CCND2: variants seen among roughly 807,000 people sequenced by gnomAD.
CCND2 encodes cyclin D2.
Under a neutral mutation model 30.2 loss-of-function variants are expected in CCND2, and 6 were observed. The ratio of observed to expected loss-of-function variants is 0.20; its 90% CI spans 0.11 to 0.39. The LOEUF (loss-of-function observed/expected upper bound fraction) is 0.39, where lower values mean the gene tolerates loss of function less well. Among genes scored for constraint, CCND2 ranks in the 10% least tolerant of loss-of-function variants. The probability of loss-of-function intolerance (pLI) is 1.00; values close to 1 mark genes in which losing one functional copy is unlikely to be tolerated. For synonymous variants in CCND2, 150 were observed against 153.1 expected (o/e 0.98, Z 0.15); for missense variants, 235 against 373.4 (o/e 0.63, Z 3.06).
At position 4,301,864 on chromosome 12, in the gene CCND2, A is replaced by G; in HGVS notation, c.*1855A>G. 1 of 231,830 alleles carries G rather than the reference A, an allele frequency of 4.3e-6. No individual in the cohort carries two copies. Among genetic ancestry groups the G allele is most frequent in the Non-Finnish European group, 8.5e-6 (1 of 117,592 alleles). 14.4% of individuals were successfully genotyped at this position (231,830 alleles called of 1,614,324 possible). On this transcript the variant is annotated 3_prime_UTR_variant, in exon 5 of 5. Transcript: ENST00000261254. ...GATGGTTGAGATATGAGTTCTTCGTACTGGAAAAGCCCTTCCGTAGTTTGT... is the reference window on the plus strand; with the variant it reads ...GATGGTTGAGATATGAGTTCTTCGTGCTGGAAAAGCCCTTCCGTAGTTTGT...
rs202049688 is a variant in CCND2, at chr12:4,300,104, TAAA to T, written c.*103_*105del. 1 of 1,249,570 alleles carries T rather than the reference TAAA, an allele frequency of 8.0e-7. No individual in the cohort carries two copies. The highest frequency in any genetic ancestry group is 1.8e-5 in the South Asian group (1 of 56,768). The allele number at this position is 1,249,570 out of a possible 1,614,324, so 77.4% of individuals were successfully genotyped here. On this transcript the variant is annotated 3_prime_UTR_variant, in exon 5 of 5. Transcript: ENST00000261254. ...GTTCTTTGTGTTTTAGGGTGAAACT[TAAA>T]AAAAAAATTCTGCCCCCACCTAGAT...
intron 2 of CCND2, among the ~76,000 whole-genome samples, chr12:4,277,033 G>A (rs1011587356): frequency 2.6e-5 from 4 of 152,190 alleles, no homozygotes; most frequent in Non-Finnish European, 4.4e-5. Context: ...TCACTGGTAG[G>A]GCCCGCACAA....
At chr12:4,298,609 G>A (rs1004665535) in intron 4 of CCND2, among the ~76,000 whole-genome samples, 3 of 152,186 alleles carry the variant, frequency 2.0e-5, no homozygotes, top group Admixed American at 6.5e-5. Flanking sequence ...GAAACCTCTG[G>A]GTGGGGAGAA....
Position 4,276,007 on chromosome 12 carries a change from C to A in CCND2, c.198C>A (p.Val66=), listed in dbSNP as rs780412072. The A allele has an allele frequency of 1.7e-5, 27 of 1,583,594 alleles. No individual in the cohort carries two copies. The highest frequency in any genetic ancestry group is 2.3e-5 in the Non-Finnish European group (27 of 1,158,566). Residue 66 remains valine, a splice_region_variant and synonymous_variant, in exon 2 of 5, where the codon GTC becomes GTA. Transcript: ENST00000261254. The surrounding 1 kb of genome is among the most constrained non-coding windows in gnomAD (Gnocchi z 4.8). ...ACCCTTTCCCACTCCCATTATAGGT[C>A]TGTGAGGAACAGAAGTGCGAAGAAG... The part of the protein sequence containing the change: ...RRMVATWMLE[V]CEEQKCEEEV...
At position 4,274,268 on chromosome 12, in the gene CCND2, G is replaced by C; in HGVS notation, c.195+33G>C. On this transcript the variant is annotated intron_variant, in intron 1 of 4. Coordinates refer to ENST00000261254, the MANE Select transcript of CCND2 (RefSeq NM_001759.4). The surrounding 1 kb of genome is among the most constrained non-coding windows in gnomAD (Gnocchi z 7.7). ...GGGGGGTGGCGCTCGCCAGGAGCCA[G>C]GACCCCTCCGGATGCTCGGGTCCCC... The C allele has an allele frequency of 6.2e-7, 1 of 1,604,874 alleles. No individual in the cohort carries two copies. The highest frequency in any genetic ancestry group is 8.5e-7 in the Non-Finnish European group (1 of 1,173,574).
intron 2 of CCND2, among the ~76,000 whole-genome samples, chr12:4,277,664 A>G (rs535627965): frequency 2.0e-5 from 3 of 152,256 alleles, no homozygotes; most frequent in African/African-American, 7.2e-5. Context: ...CTATTTTACA[A>G]ATGAGAAGGC....
intron 4 of CCND2, among the ~76,000 whole-genome samples, chr12:4,290,646 G>A (rs925261133): frequency 1.4e-5 from 2 of 147,600 alleles, no homozygotes; most frequent in Admixed American, 1.4e-4. Context: ...CTGCTCTGAT[G>A]GGCTGACCAC....
chr12:4,277,703 C>T (rs1290517708), intron 2 of CCND2, among the ~76,000 whole-genome samples: 1 of 152,142 alleles, frequency 6.6e-6, no homozygotes, highest in Non-Finnish European at 1.5e-5. Flanking sequence ...GGGAATCACC[C>T]CCAGCCCCAC....
chr12:4,291,818 GA>G (rs1313972498), intron 4 of CCND2, among the ~76,000 whole-genome samples: 3 of 152,118 alleles, frequency 2.0e-5, no homozygotes, highest in African/African-American at 7.2e-5. Flanking sequence ...GGCGAACCTT[GA>G]AAATACTATG....
intron 3 of CCND2, among the ~76,000 whole-genome samples, chr12:4,284,927 G>C (rs1182521139): frequency 1.3e-5 from 2 of 151,882 alleles, no homozygotes; most frequent in African/African-American, 2.4e-5. Context: ...GTACAGACAG[G>C]GTTTCACCGT....
intron 3 of CCND2, among the ~76,000 whole-genome samples, chr12:4,283,935 G>A (rs530439130): frequency 3.3e-5 from 5 of 152,302 alleles, no homozygotes; most frequent in South Asian, 2.1e-4. Context: ...TTGGGGACTC[G>A]ATGATGTCAT....
chr12:4,273,899 C>T lies in CCND2; in HGVS notation c.-142C>T. 1.3e-6 allele frequency: 1 copy of T among 768,900 alleles called. No homozygotes were observed. Among genetic ancestry groups the T allele is most frequent in the Non-Finnish European group, 2.1e-6 (1 of 487,164 alleles). 47.6% of individuals were successfully genotyped at this position (768,900 alleles called of 1,614,324 possible). On this transcript the variant is annotated 5_prime_UTR_variant, in exon 1 of 5. Coordinates refer to ENST00000261254, the MANE Select transcript of CCND2 (RefSeq NM_001759.4). The surrounding 1 kb of genome is among the most constrained non-coding windows in gnomAD (Gnocchi z 5.9). Reference sequence around the variant, plus strand: ...CTGCTCCACCTTCTCTCTCTGCCCTCACCTCTCCCCCGAAAACCCCCTATT... The same window carrying T: ...CTGCTCCACCTTCTCTCTCTGCCCTTACCTCTCCCCCGAAAACCCCCTATT...
At position 4,276,958 on chromosome 12, in the gene CCND2, T is replaced by C. The variant is rs147764243; in HGVS notation, c.411+738T>C. Among the ~76,000 whole-genome samples the C allele has an allele frequency of 2.6e-5, 4 of 152,308 alleles. No individual in the cohort carries two copies. Among genetic ancestry groups the C allele is most frequent in the Non-Finnish European group, 1.5e-5 (1 of 68,014 alleles). ...TAGCGGCTCCAAGGCCCACCTTCGG[T>C]GGTTTGCACACCCCTCTTTGCACTG... On this transcript the variant is annotated intron_variant, in intron 2 of 4. Transcript: ENST00000261254. This position sits in a 1 kb window ranked among gnomAD's most constrained non-coding sequence, Gnocchi z 4.8.
intron 4 of CCND2, among the ~76,000 whole-genome samples, chr12:4,292,453 C>T (rs572647292): frequency 1.2e-4 from 19 of 152,062 alleles, no homozygotes; most frequent in South Asian, 1.2e-3. Context: ...CGTGGGTTGT[C>T]GGGGATCGAG....
chr12:4,291,207 C>CTGTGTGTGTGTGTGTGTG (rs1320194012), intron 4 of CCND2, among the ~76,000 whole-genome samples: 11,914 of 138,652 alleles, frequency 0.086, 708 homozygotes, highest in Non-Finnish European at 0.11. Flanking sequence ...CTGGGCTAGG[C>CTGTGTGTGTGTGTGTGTG]TGTGTGTGTG....
At chr12:4,278,658 G>C in intron 2 of CCND2, 102 bp from the exon 3 acceptor site, 2 of 1,131,358 alleles carry the variant, frequency 1.8e-6, no homozygotes, top group Non-Finnish European at 2.5e-6. Flanking sequence ...ACGTCCTAAT[G>C]AGCGGCCTTA....
At position 4,276,296 on chromosome 12, in the gene CCND2, C is replaced by A; in HGVS notation, c.411+76C>A. 7.9e-7 allele frequency: 1 copy of A among 1,268,904 alleles called. No homozygotes were observed. Among genetic ancestry groups the A allele is most frequent in the Non-Finnish European group, 1.1e-6 (1 of 899,046 alleles). 78.6% of individuals were successfully genotyped at this position (1,268,904 alleles called of 1,614,324 possible). ...TGGCCAACAATATGCCTTCTATCAC[C>A]ACTGCCAGAGCAAATTCTTGGGATC... is the stretch of plus-strand genomic sequence containing the variant. On this transcript the variant is annotated intron_variant, in intron 2 of 4. Transcript: ENST00000261254. The surrounding 1 kb of genome is among the most constrained non-coding windows in gnomAD (Gnocchi z 4.8).
chr12:4,299,921 A>C lies in CCND2; in HGVS notation c.782A>C (p.Tyr261Ser). ...GTGCTCCTCAATAGCCTGCAGCAGT[A>C]CCGTCAGGACCAACGTGACGGATCC... ...EAVLLNSLQQ[Y>S]RQDQRDGSKS... Residue 261 changes from tyrosine (Y) to serine (S), a missense_variant, in exon 5 of 5, where the codon TAC becomes TCC. By Grantham distance (144) the Tyr-to-Ser change is moderately radical (BLOSUM62 -2). Transcript: ENST00000261254. This position sits in a 1 kb window ranked among gnomAD's most constrained non-coding sequence, Gnocchi z 5.2. 6.2e-7 allele frequency: 1 copy of C among 1,614,180 alleles called. No individual in the cohort carries two copies. Among genetic ancestry groups the C allele is most frequent in the Non-Finnish European group, 8.5e-7 (1 of 1,180,002 alleles).
At position 4,274,653 on chromosome 12, in the gene CCND2, C is replaced by G. The variant is rs964617508; in HGVS notation, c.195+418C>G. On this transcript the variant is annotated intron_variant, in intron 1 of 4. Coordinates refer to ENST00000261254, the MANE Select transcript of CCND2 (RefSeq NM_001759.4). This position sits in a 1 kb window ranked among gnomAD's most constrained non-coding sequence, Gnocchi z 7.7. ...CCCCCCCAAAAGGCCAGAGCAAATT[C>G]GTCTTGGCCTCAGGTCCCCGCCTGT... 1.2e-4 allele frequency among the ~76,000 whole-genome samples: 18 copies of G among 152,328 alleles called. No homozygotes were observed. In the East Asian group the frequency reaches 3.5e-3, roughly 29 times the overall value.
Sources: gnomAD v4.1 joint callset for allele counts (sites outside exome capture counted in the v4.1 genomes callset) on GRCh38, gnomAD v4.1.1 for gene constraint, Gnocchi (gnomAD v3.1) non-coding constraint, MANE v1.5 for transcripts, NCBI Gene and HGNC (gene_info 2026-07-23, HGNC 2026-07-21) for gene names.